MET: variants seen among roughly 807,000 people sequenced by gnomAD.
MET encodes hepatocyte growth factor receptor.
A neutral mutation model predicts 133.1 loss-of-function variants in MET; 48 were observed. That is an observed-to-expected ratio of 0.36 (90% CI 0.29 to 0.46). The LOEUF (loss-of-function observed/expected upper bound fraction) is 0.46. Among genes scored for constraint, MET ranks in the 20% least tolerant of loss-of-function variants. The pLI, the probability that MET is intolerant of heterozygous loss-of-function variation, is 1.00. For synonymous variants in MET, 628 were observed against 616.5 expected (o/e 1.02, Z -0.28); for missense variants, 1,442 against 1,695.9 (o/e 0.85, Z 2.63).
rs2116957015 is a variant in MET, at chr7:116,763,237, C to A, written c.2552C>A (p.Ser851Ter). ...FKPFEKPVMI[S>*]MGNENVLEIK... ...CCTTTTGAAAAGCCAGTGATGATCT[C>A]AATGGGCAATGAAAATGTACTGGAA... Residue 851 changes from serine to a stop codon, truncating the protein, a stop_gained, in exon 11 of 21, where the codon TCA becomes TAA. Coordinates refer to ENST00000397752, the MANE Select transcript of MET (RefSeq NM_000245.4). LOFTEE classifies it high-confidence loss of function. 1 of 1,613,886 alleles carries A rather than the reference C, an allele frequency of 6.2e-7. No individual in the cohort carries two copies. Among genetic ancestry groups the A allele is most frequent in the Non-Finnish European group, 8.5e-7 (1 of 1,179,892 alleles).
Position 116,796,198 on chromosome 7 carries a change from A to G in MET, c.*74A>G, listed in dbSNP as rs1795671637. The G allele has an allele frequency of 2.9e-6, 4 of 1,386,284 alleles. No individual in the cohort carries two copies. Among genetic ancestry groups the G allele is most frequent in the Non-Finnish European group, 3.1e-6 (3 of 979,428 alleles). The allele number at this position is 1,386,284 out of a possible 1,614,324, so 85.9% of individuals were successfully genotyped here. The stretch of plus-strand genomic sequence containing the variant: ...TTCACTGCCTGACCTTTAAAAGGCC[A>G]TCGATATTCTTTGCTCTTGCCAAAA... On this transcript the variant is annotated 3_prime_UTR_variant, in exon 21 of 21. Transcript: ENST00000397752.
chr7:116,719,507 G>T (rs1010859067), intron 2 of MET, among the ~76,000 whole-genome samples: 3 of 152,080 alleles, frequency 2.0e-5, no homozygotes, highest in Non-Finnish European at 2.9e-5. Context: ...GATCCCATTT[G>T]TCAATTTTGG....
intron 5 of MET, among the ~76,000 whole-genome samples, chr7:116,745,998 A>G (rs946197190): frequency 6.6e-6 from 1 of 152,210 alleles, no homozygotes; most frequent in African/African-American, 2.4e-5. Flanking sequence ...CAGGCAACCT[A>G]CAGAATGGGA....
chr7:116,710,684 CA>C (rs1242535875), intron 2 of MET, among the ~76,000 whole-genome samples: 1 of 151,592 alleles, frequency 6.6e-6, no homozygotes, highest in Non-Finnish European at 1.5e-5. Flanking sequence ...CCACACCTAA[CA>C]AAAGAAAGTT....
intron 6 of MET, 129 bp downstream of exon 6, chr7:116,755,644 C>A: frequency 1.8e-6 from 2 of 1,111,974 alleles, no homozygotes; most frequent in Non-Finnish European, 2.7e-6. Flanking sequence ...CTGTCACATG[C>A]CTTGTGGGTC....
chr7:116,727,400 T>A (rs138132213), intron 2 of MET, among the ~76,000 whole-genome samples: 5 of 152,310 alleles, frequency 3.3e-5, no homozygotes, highest in African/African-American at 1.2e-4. Context: ...AGGGCTGCTG[T>A]GGGTCTTATT....
intron 2 of MET, among the ~76,000 whole-genome samples, chr7:116,708,312 G>A (rs1036462229): frequency 3.9e-5 from 6 of 152,054 alleles, no homozygotes; most frequent in Admixed American, 2.6e-4. Flanking sequence ...AAAGCAATAC[G>A]TCTTTAGTAC....
At chr7:116,689,559 C>CT (rs534819031) in intron 1 of MET, among the ~76,000 whole-genome samples, 2,397 of 94,784 alleles carry the variant, frequency 0.025, 350 homozygotes, top group African/African-American at 0.04. Flanking sequence ...TGGGCTTACT[C>CT]TTTTTTTTTT....
At chr7:116,789,643 T>A (rs145019899) in intron 19 of MET, among the ~76,000 whole-genome samples, 1 of 152,216 alleles carries the variant, frequency 6.6e-6, no homozygotes, top group African/African-American at 2.4e-5. Context: ...TAAAATGTCA[T>A]ATAAATGGAA....
chr7:116,796,147 C>T lies in MET; in HGVS notation c.*23C>T, dbSNP rs980940721. On this transcript the variant is annotated 3_prime_UTR_variant, in exon 21 of 21. Coordinates refer to ENST00000397752, the MANE Select transcript of MET (RefSeq NM_000245.4). ...TAGTGCTAGTACTATGTCAAAGCAA[C>T]AGTCCACACTTTGTCCAATGGTTTT... 1.9e-6 allele frequency: 3 copies of T among 1,600,296 alleles called. No individual in the cohort carries two copies. The highest frequency in any genetic ancestry group is 2.6e-6 in the Non-Finnish European group (3 of 1,168,202).
intron 2 of MET, among the ~76,000 whole-genome samples, chr7:116,719,611 T>G (rs1562895608): frequency 6.6e-6 from 1 of 152,252 alleles, no homozygotes; most frequent in Non-Finnish European, 1.5e-5. Flanking sequence ...TCTAGGGTTT[T>G]TATGGTTTTA....
chr7:116,763,965 C>G (rs1794510967), intron 11 of MET, among the ~76,000 whole-genome samples: 1 of 152,184 alleles, frequency 6.6e-6, no homozygotes. Flanking sequence ...TTGAATTATT[C>G]ATAGCTCCAG....
intron 3 of MET, among the ~76,000 whole-genome samples, chr7:116,735,294 G>A (rs1793172223): frequency 1.3e-5 from 2 of 152,198 alleles, no homozygotes; most frequent in South Asian, 4.1e-4. Flanking sequence ...CTCTTAACTG[G>A]ACTAGTTGGA....
At chr7:116,691,300 A>G (rs1796771417) in intron 1 of MET, among the ~76,000 whole-genome samples, 1 of 152,192 alleles carries the variant, frequency 6.6e-6, no homozygotes, top group Non-Finnish European at 1.5e-5. Context: ...CAGAAATCTT[A>G]ACTAATAGAT....
intron 11 of MET, among the ~76,000 whole-genome samples, chr7:116,763,824 AAGACCC>A (rs567063919): frequency 2.1e-4 from 32 of 152,314 alleles, no homozygotes; most frequent in African/African-American, 7.2e-4. Flanking sequence ...AAAGAACACT[AAGACCC>A]AGAAAGGTTA....
intron 1 of MET, among the ~76,000 whole-genome samples, chr7:116,681,460 T>A (rs1796356028): frequency 6.6e-6 from 1 of 152,216 alleles, no homozygotes; most frequent in Admixed American, 6.5e-5. Flanking sequence ...ACTGGGATAT[T>A]GTCTCTGGGG....
chr7:116,681,154 C>G (rs966396190), intron 1 of MET, among the ~76,000 whole-genome samples: 1 of 152,082 alleles, frequency 6.6e-6, no homozygotes, highest in Admixed American at 6.5e-5. Flanking sequence ...AGTCTGTCCT[C>G]CCCTCAGTTA....
chr7:116,790,678 G>A (rs1335627507), intron 19 of MET, among the ~76,000 whole-genome samples: 1 of 151,984 alleles, frequency 6.6e-6, no homozygotes, highest in Non-Finnish European at 1.5e-5. Context: ...AATTTTTGGG[G>A]ACCTCTCTAC....
At chr7:116,703,821 A>G (rs1791671133) in intron 2 of MET, among the ~76,000 whole-genome samples, 1 of 152,202 alleles carries the variant, frequency 6.6e-6, no homozygotes, top group Non-Finnish European at 1.5e-5. Flanking sequence ...ATTTATTAAA[A>G]CAAGTGAAAT....
Sources: allele counts gnomAD v4.1 joint callset (sites outside exome capture counted in the v4.1 genomes callset), GRCh38; gene constraint gnomAD v4.1.1; transcripts MANE v1.5; gene names NCBI Gene and HGNC (gene_info 2026-07-23, HGNC 2026-07-21).